Variants in RGMA observed in about 807,000 individuals in gnomAD.
RGMA encodes the protein repulsive guidance molecule BMP co-receptor a, also known as repulsive guidance molecule A.
A neutral mutation model predicts 23.2 loss-of-function variants in RGMA; 10 were observed. The observed-to-expected ratio is 0.43, with a 90% CI of 0.27 to 0.73. RGMA has a LOEUF of 0.73. Among genes scored for constraint, RGMA ranks in the 30% least tolerant of loss-of-function variants. The pLI, the probability that RGMA is intolerant of heterozygous loss-of-function variation, is 0.20. For synonymous variants in RGMA, 308 were observed against 279.3 expected, an observed-to-expected ratio of 1.10 and a Z score of -1.03; for missense variants, 547 against 630.5, an observed-to-expected ratio of 0.87 and a Z score of 1.42.
intron 3 of RGMA, among the ~76,000 whole-genome samples, chr15:93,047,475 T>G (rs2054842385): frequency 6.6e-6 from 1 of 152,112 alleles, no homozygotes. Flanking sequence ...GACCTCCTGC[T>G]AAAATCCCAC....
chr15:93,073,948 C>T (rs1313664578), intron 1 of RGMA: 19 of 1,426,982 alleles, frequency 1.3e-5, no homozygotes, highest in Non-Finnish European at 1.7e-5. Flanking sequence ...GCGCTCTCTG[C>T]GAGGCCCGCA....
At position 93,036,403 on chromosome 15, in the gene RGMA, G is replaced by C. The variant is rs1396238239; in HGVS notation, c.*8595C>G. The C allele has an allele frequency of 6.6e-6, 1 of 152,274 alleles. No individual in the cohort carries two copies. Among genetic ancestry groups the C allele is most frequent in the Non-Finnish European group, 1.5e-5 (1 of 68,054 alleles). 9.4% of individuals were successfully genotyped at this position (152,274 alleles called of 1,614,324 possible). On this transcript the variant is annotated 3_prime_UTR_variant, in exon 4 of 4. Coordinates refer to ENST00000329082, the MANE Select transcript of RGMA (RefSeq NM_020211.3). ...GGATTAATCTGAGATCATTAGCAGA[G>C]AAAGGGAAGGTCAAGTCCACTCAAG...
At position 93,035,494 on chromosome 15, in the gene RGMA, A is replaced by C. The variant is rs903428200; in HGVS notation, c.*9504T>G. Reference sequence around the variant, plus strand: ...GAAACACCTGGGGGGATTCTTGCTGAAGGCAGGCCAGGTGATCAGACGTCC... The same window carrying C: ...GAAACACCTGGGGGGATTCTTGCTGCAGGCAGGCCAGGTGATCAGACGTCC... On this transcript the variant is annotated 3_prime_UTR_variant, in exon 4 of 4. Transcript: ENST00000329082. The C allele has an allele frequency of 6.6e-6, 1 of 152,194 alleles. No homozygotes were observed. Among genetic ancestry groups the C allele is most frequent in the African/African-American group, 2.4e-5 (1 of 41,444 alleles). 9.4% of individuals were successfully genotyped at this position (152,194 alleles called of 1,614,324 possible).
At chr15:93,066,101 G>A (rs1895138535) in intron 2 of RGMA, 2 of 1,449,516 alleles carry the variant, frequency 1.4e-6, no homozygotes, top group South Asian at 1.1e-5. Flanking sequence ...CGAAACTTAC[G>A]TAGGTTGGGG....
chr15:93,073,830 C>T (rs1895421125), intron 1 of RGMA: 3 of 1,516,660 alleles, frequency 2.0e-6, no homozygotes, highest in Non-Finnish European at 2.6e-6. Flanking sequence ...GCCCCGGCTG[C>T]GCCCCCGTGC....
intron 3 of RGMA, among the ~76,000 whole-genome samples, chr15:93,049,503 G>C (rs758842570): frequency 2.6e-5 from 4 of 152,202 alleles, no homozygotes; most frequent in Non-Finnish European, 4.4e-5. Flanking sequence ...GGGCACAGAA[G>C]GCTGTCCCAC....
chr15:93,073,544 G>A (rs540374939), intron 1 of RGMA: 1 of 1,501,128 alleles, frequency 6.7e-7, no homozygotes, highest in Admixed American at 2.0e-5. Context: ...ACTGTCCTTG[G>A]AGGCAAATCC....
intron 1 of RGMA, among the ~76,000 whole-genome samples, chr15:93,074,870 TAG>T (rs759685144): frequency 1.3e-5 from 2 of 152,224 alleles, no homozygotes; most frequent in African/African-American, 2.4e-5. Flanking sequence ...CACCATTTGC[TAG>T]AGTCTGCCTT....
rs1372510280 is a variant in RGMA, at chr15:93,035,681, C to T, written c.*9317G>A. The stretch of plus-strand genomic sequence containing the variant: ...AAAGCCCAGGCCTAACTGGAAGGCT[C>T]AGGGCGGCCTGAGGAGAGATGGGTC... On this transcript the variant is annotated 3_prime_UTR_variant, in exon 4 of 4. Transcript: ENST00000329082. 6.6e-6 allele frequency: 1 copy of T among 152,260 alleles called. No individual in the cohort carries two copies. The highest frequency in any genetic ancestry group is 1.5e-5 in the Non-Finnish European group (1 of 68,082). The allele number at this position is 152,260 out of a possible 1,614,324, so 9.4% of individuals were successfully genotyped here.
intron 1 of RGMA, among the ~76,000 whole-genome samples, chr15:93,074,446 C>T (rs1374159214): frequency 1.3e-5 from 2 of 152,216 alleles, no homozygotes; most frequent in Non-Finnish European, 2.9e-5. Flanking sequence ...ACTTATGAAT[C>T]TGGCTTCCAC....
At chr15:93,088,169 G>A (rs533865579) in intron 1 of RGMA, 3 of 770,332 alleles carry the variant, frequency 3.9e-6, no homozygotes, top group Admixed American at 1.2e-4. Context: ...TTCTACCTCC[G>A]AGCAAGTCTA....
At chr15:93,085,230 T>G (rs957742482) in intron 1 of RGMA, among the ~76,000 whole-genome samples, 2 of 151,870 alleles carry the variant, frequency 1.3e-5, no homozygotes, top group African/African-American at 2.4e-5. Flanking sequence ...GATGAAAAAA[T>G]GAAATATAAG....
At chr15:93,055,612 C>T (rs1195189897) in intron 2 of RGMA, among the ~76,000 whole-genome samples, 4 of 152,204 alleles carry the variant, frequency 2.6e-5, no homozygotes, top group South Asian at 2.1e-4. Flanking sequence ...TTAGCACACC[C>T]GATTCCCTCC....
chr15:93,085,638 TAGTC>T (rs879940663), intron 1 of RGMA, among the ~76,000 whole-genome samples: 10 of 152,254 alleles, frequency 6.6e-5, no homozygotes, highest in African/African-American at 1.2e-4. Context: ...ATTTTTATGT[TAGTC>T]AGTTACCAGT....
At position 93,047,858 on chromosome 15, in the gene RGMA, C is replaced by T. The variant is rs190263974; in HGVS notation, c.646-2153G>A. On this transcript the variant is annotated intron_variant, in intron 3 of 3. Transcript: ENST00000329082. ...GGGCACAGTGCGAGGTGCTAGAAAG[C>T]AACAGGAAATAACAAGCTGCTCTGA... is the stretch of plus-strand genomic sequence containing the variant. Among the ~76,000 whole-genome samples, 8 of 152,300 alleles carry T rather than the reference C, an allele frequency of 5.3e-5. No individual in the cohort carries two copies. In the East Asian group the frequency reaches 1.5e-3, roughly 29 times the overall value.
intron 1 of RGMA, among the ~76,000 whole-genome samples, chr15:93,077,946 G>T (rs1895498932): frequency 6.6e-6 from 1 of 152,238 alleles, no homozygotes; most frequent in African/African-American, 2.4e-5. Flanking sequence ...GGGCTCAAGT[G>T]ATCTGCCTGT....
rs139646797 is a variant in RGMA at position 93,045,488 on chromosome 15, C to T, written c.863G>A (p.Arg288His). The T allele has an allele frequency of 5.2e-4, 844 of 1,613,226 alleles. 2 individuals carry two copies. Among genetic ancestry groups the T allele is most frequent in the Middle Eastern group, 1.5e-3 (9 of 6,062 alleles). ...CATGCGGACGGCAAAGGTCAGGTAG[C>T]GGCCCACCTGGCGCACCACGATGGT... ...GTTIVVRQVG[R>H]YLTFAVRMPE... Residue 288 changes from arginine (R) to histidine (H), a missense_variant, in exon 4 of 4, where the codon CGC (arginine) becomes CAC (histidine). Arg to His is a conservative substitution (Grantham distance 29). Transcript: ENST00000329082. This position sits in a 1 kb window ranked among gnomAD's most constrained non-coding sequence, Gnocchi z 6.9.
chr15:93,051,744 G>A (rs1567181455), intron 3 of RGMA, among the ~76,000 whole-genome samples: 1 of 152,260 alleles, frequency 6.6e-6, no homozygotes, highest in Non-Finnish European at 1.5e-5. Context: ...AGGTCACTTG[G>A]CCTCTTAGAG....
Position 93,073,205 on chromosome 15 carries a change from C to T in RGMA, c.15-174G>A, listed in dbSNP as rs868450898. 8.8e-5 allele frequency: 107 copies of T among 1,216,502 alleles called. No homozygotes were observed. The African/African-American group carries it at 1.6e-3, about 18-fold the overall frequency. 75.4% of individuals were successfully genotyped at this position (1,216,502 alleles called of 1,614,324 possible). A position where few individuals can be genotyped will look rare whatever the true frequency, so the allele number is the denominator to read the frequency against. ...CGCGCGCCCCTCCCTCGCCATCCAT[C>T]ACTCGGTTCTCCGCCAATGTCGACG... On this transcript the variant is annotated intron_variant, in intron 1 of 3. Coordinates refer to ENST00000329082, the MANE Select transcript of RGMA (RefSeq NM_020211.3).
Sources: gnomAD v4.1 joint callset for allele counts (sites outside exome capture counted in the v4.1 genomes callset) on GRCh38, gnomAD v4.1.1 for gene constraint, Gnocchi (gnomAD v3.1) non-coding constraint, MANE v1.5 for transcripts, NCBI Gene and HGNC (gene_info 2026-07-23, HGNC 2026-07-21) for gene names.